ZNF680: variants seen among roughly 807,000 people sequenced by gnomAD.
ZNF680 encodes the protein zinc finger protein 680, also known as hypothetical protein FLJ90430.
A neutral mutation model predicts 12.1 loss-of-function variants in ZNF680; 6 were observed. The observed-to-expected ratio is 0.49, with a 90% CI of 0.27 to 0.98. The LOEUF (loss-of-function observed/expected upper bound fraction) is 0.98. ZNF680 is among the 50% of genes least tolerant of loss of function. The probability of loss-of-function intolerance (pLI) is 0.12; values close to 1 mark genes in which losing one functional copy is unlikely to be tolerated. For missense variants in ZNF680, 561 were observed against 616.3 expected, an observed-to-expected ratio of 0.91 and a Z score of 0.95; for synonymous variants, 170 against 199.3, an observed-to-expected ratio of 0.85 and a Z score of 1.24.
intron 3 of ZNF680, chr7:64,525,843 T>G (rs1791810748): frequency 1.0e-6 from 1 of 984,970 alleles, no homozygotes; most frequent in African/African-American, 1.7e-5. Flanking sequence ...TAGTCAAGAT[T>G]AAATAACCAT....
the ZNF680 span, among the ~76,000 whole-genome samples, chr7:64,513,808 G>A: frequency 6.6e-6 from 1 of 152,002 alleles, no homozygotes; most frequent in South Asian, 2.1e-4. Context: ...ACCACACCCA[G>A]CTACTTTTTT....
chr7:64,556,069 G>A lies in ZNF680; in HGVS notation c.30+6856C>T, dbSNP rs80026341. Among the ~76,000 whole-genome samples, 4,640 of 151,524 alleles carry A rather than the reference G, an allele frequency of 0.031. 357 individuals carry two copies. The East Asian group carries it at 0.33, about 11-fold the overall frequency. On this transcript the variant is annotated intron_variant, in intron 1 of 3. Transcript: ENST00000309683. ...TCTAGGAATACACCTAATCAGGGAG[G>A]TGAAAAATCTCTAAAACAAAAATTA...
chr7:64,509,656 G>A, the ZNF680 span, among the ~76,000 whole-genome samples: 10 of 152,012 alleles, frequency 6.6e-5, no homozygotes, highest in African/African-American at 2.2e-4. Flanking sequence ...CAACATCTGG[G>A]GTACCCTGGG....
In ZNF680 at chr7:64,520,593, T is replaced by C. The variant is rs1388996133; in HGVS notation, c.*568A>G. 2 of 151,922 alleles carry C rather than the reference T, an allele frequency of 1.3e-5. No individual in the cohort carries two copies. The highest frequency in any genetic ancestry group is 2.9e-5 in the Non-Finnish European group (2 of 67,804). 9.4% of individuals were successfully genotyped at this position (151,922 alleles called of 1,614,324 possible). The stretch of plus-strand genomic sequence containing the variant: ...CATTTCAATATAAATTCATGTTTTC[T>C]ACGCCGTAGTTTTTGAAAAAAAATG... On this transcript the variant is annotated 3_prime_UTR_variant, in exon 4 of 4. Coordinates refer to ENST00000309683, the MANE Select transcript of ZNF680 (RefSeq NM_178558.5).
chr7:64,507,862 C>T, the ZNF680 span, among the ~76,000 whole-genome samples: 1 of 72,402 alleles, frequency 1.4e-5, no homozygotes, highest in South Asian at 3.8e-4. Flanking sequence ...CACACACACA[C>T]ACACACACAC....
intron 3 of ZNF680, chr7:64,526,382 C>T (rs550484467): frequency 7.1e-7 from 1 of 1,406,696 alleles, no homozygotes; most frequent in Non-Finnish European, 9.3e-7. Flanking sequence ...ATGACTAGCA[C>T]AGTTCTACAT....
chr7:64,543,797 C>T lies in ZNF680; in HGVS notation c.163G>A (p.Ala55Thr), dbSNP rs1432373771. 6.2e-7 allele frequency: 1 copy of T among 1,612,274 alleles called. No homozygotes were observed. The highest frequency in any genetic ancestry group is 1.1e-5 in the South Asian group (1 of 90,878). Residue 55 changes from alanine (A) to threonine (T), a missense_variant, in exon 3 of 4, where the codon GCT (alanine) becomes ACT (threonine). Ala to Thr is a moderately conservative substitution (Grantham distance 58, BLOSUM62 0). Coordinates refer to ENST00000309683, the MANE Select transcript of ZNF680 (RefSeq NM_178558.5). ...NYRNLVFLGI[A>T]VSKPHLITCL... is the part of the protein sequence containing the mutation. ...GTTATCAGGTGAGGCTTAGAGACAGCAATACCTGTTTTATTAAAAATAAAT... is the reference window on the plus strand; with the variant it reads ...GTTATCAGGTGAGGCTTAGAGACAGTAATACCTGTTTTATTAAAAATAAAT...
At chr7:64,501,164 C>G in the ZNF680 span, 7 of 873,968 alleles carry the variant, frequency 8.0e-6, no homozygotes, top group African/African-American at 5.0e-5. Flanking sequence ...CCTTCTCCAT[C>G]GCCTCTATTC....
At chr7:64,562,756 A>C (rs1787816251) in intron 1 of ZNF680, among the ~76,000 whole-genome samples, 169 bp downstream of exon 1, 1 of 152,220 alleles carries the variant, frequency 6.6e-6, no homozygotes, top group Admixed American at 6.5e-5. Flanking sequence ...CTGTCAGCCC[A>C]GCCGCCATCT....
chr7:64,517,692 TAA>T (rs950102841), downstream of ZNF680, among the ~76,000 whole-genome samples: 25 of 147,450 alleles, frequency 1.7e-4, no homozygotes, highest in African/African-American at 5.9e-4. Context: ...TAAAATCCTT[TAA>T]AAAAAAAAAT....
chr7:64,503,547 A>G, the ZNF680 span, among the ~76,000 whole-genome samples: 1 of 151,852 alleles, frequency 6.6e-6, no homozygotes, highest in African/African-American at 2.4e-5. Context: ...CACCCAGCTA[A>G]TTTTTGTATT....
At chr7:64,544,188 T>G in intron 2 of ZNF680, 118 bp downstream of exon 2, 1 of 1,419,158 alleles carries the variant, frequency 7.0e-7, no homozygotes, top group East Asian at 2.5e-5. Context: ...AAAGATTTTC[T>G]TGAAAACAGG....
chr7:64,533,251 T>C (rs1785982225), intron 3 of ZNF680, among the ~76,000 whole-genome samples: 1 of 152,118 alleles, frequency 6.6e-6, no homozygotes, highest in Non-Finnish European at 1.5e-5. Flanking sequence ...TGATATGATC[T>C]TTTATCTTGA....
the ZNF680 span, among the ~76,000 whole-genome samples, chr7:64,503,667 A>C: frequency 7.4e-4 from 113 of 152,366 alleles, no homozygotes; most frequent in Non-Finnish European, 9.7e-4. Flanking sequence ...GGCGTGAGCC[A>C]CTGCACCTGG....
intron 3 of ZNF680, 115 bp downstream of exon 3, chr7:64,543,592 A>C: frequency 2.3e-6 from 2 of 876,738 alleles, no homozygotes; most frequent in Non-Finnish European, 3.6e-6. Context: ...GCTTCCCAAA[A>C]ACTATTTTCT....
intron 3 of ZNF680, among the ~76,000 whole-genome samples, chr7:64,527,006 G>A (rs1339246471): frequency 6.6e-6 from 1 of 152,206 alleles, no homozygotes; most frequent in Non-Finnish European, 1.5e-5. Context: ...GGGAGGCCGA[G>A]GTGGGCCGAT....
chr7:64,522,440 T>C lies in ZNF680; in HGVS notation c.314A>G (p.Gln105Arg), dbSNP rs1245807521. Residue 105 changes from glutamine to arginine, a missense_variant, in exon 4 of 4, where the codon CAA becomes CGA. Physicochemically the swap from Gln to Arg is conservative, Grantham distance 43. Transcript: ENST00000309683. ...TCCATATCCTCTCAGTATCACTTTT[T>C]GAAAAGAATCTTTTATGCTATGCTC... The part of the protein sequence containing the change: ...WPEHSIKDSF[Q>R]KVILRGYGKC... 3 of 1,599,962 alleles carry C rather than the reference T, an allele frequency of 1.9e-6. No homozygotes were observed. Among genetic ancestry groups the C allele is most frequent in the Middle Eastern group, 1.7e-4 (1 of 5,958 alleles).
chr7:64,500,860 C>T, the ZNF680 span: 1 of 510,658 alleles, frequency 2.0e-6, no homozygotes, highest in Non-Finnish European at 3.8e-6. Flanking sequence ...CAGATCCTCG[C>T]TCCATGAACT....
At chr7:64,512,985 C>T in the ZNF680 span, among the ~76,000 whole-genome samples, 3 of 151,928 alleles carry the variant, frequency 2.0e-5, no homozygotes, top group African/African-American at 7.3e-5. Flanking sequence ...TTATTCTGGC[C>T]AAATATTAAA....
Sources: gnomAD v4.1 joint callset for allele counts (sites outside exome capture counted in the v4.1 genomes callset) on GRCh38, gnomAD v4.1.1 for gene constraint, MANE v1.5 for transcripts, NCBI Gene and HGNC (gene_info 2026-07-23, HGNC 2026-07-21) for gene names.